USP47: variants seen among roughly 807,000 people sequenced by gnomAD.
The protein encoded by USP47 is ubiquitin carboxyl-terminal hydrolase 47.
Under a neutral mutation model 165.1 loss-of-function variants are expected in USP47, and 35 were observed. The observed-to-expected ratio is 0.21, with a 90% confidence interval of 0.16 to 0.28. The LOEUF is 0.28. Ranked by LOEUF, USP47 falls within the 10% of genes least tolerant of loss-of-function variation. The probability of loss-of-function intolerance (pLI) is 1.00; values close to 1 mark genes in which losing one functional copy is unlikely to be tolerated. For synonymous variants in USP47, 531 were observed against 544.5 expected, an observed-to-expected ratio of 0.98 and a Z score of 0.35; for missense variants, 1,277 against 1,607.4, an observed-to-expected ratio of 0.79 and a Z score of 3.52.
chr11:11,910,665 G>A (rs576773493), intron 8 of USP47, among the ~76,000 whole-genome samples: 9 of 152,138 alleles, frequency 5.9e-5, no homozygotes, highest in Admixed American at 1.3e-4. Context: ...CTTTCCCTGC[G>A]CAGCACTAAC....
intron 1 of USP47, among the ~76,000 whole-genome samples, chr11:11,844,158 A>G (rs1848297060): frequency 6.6e-6 from 1 of 152,022 alleles, no homozygotes; most frequent in African/African-American, 2.4e-5. Context: ...TAAATGACCA[A>G]ATTCTTTGAC....
chr11:11,872,928 T>A (rs559246400), intron 1 of USP47, among the ~76,000 whole-genome samples: 1 of 152,310 alleles, frequency 6.6e-6, no homozygotes, highest in South Asian at 2.1e-4. Flanking sequence ...GTTTTTAAAC[T>A]GAATGTTTTG....
At chr11:11,872,436 A>T (rs1850126602) in intron 1 of USP47, among the ~76,000 whole-genome samples, 1 of 152,194 alleles carries the variant, frequency 6.6e-6, no homozygotes, top group Non-Finnish European at 1.5e-5. Context: ...CTTTTGCTGG[A>T]GGCAAGTTAG....
chr11:11,896,985 A>C (rs1055277473), intron 4 of USP47, among the ~76,000 whole-genome samples: 10 of 151,932 alleles, frequency 6.6e-5, no homozygotes, highest in African/African-American at 2.4e-4. Context: ...TTTGCACAGC[A>C]TGCTGATCTA....
At chr11:11,911,027 C>T (rs1852938627) in intron 8 of USP47, among the ~76,000 whole-genome samples, 1 of 152,022 alleles carries the variant, frequency 6.6e-6, no homozygotes, top group African/African-American at 2.4e-5. Context: ...TTTAGGGAAT[C>T]AGTTAGAGAT....
chr11:11,848,210 C>T (rs989414948), intron 1 of USP47, among the ~76,000 whole-genome samples: 7 of 152,114 alleles, frequency 4.6e-5, no homozygotes, highest in African/African-American at 1.4e-4. Context: ...ATGATGAGGA[C>T]CTATTCTGAG....
Position 11,920,461 on chromosome 11 carries a change from A to G in USP47, c.1185A>G (p.Leu395=), listed in dbSNP as rs762212120. 1.2e-6 allele frequency: 2 copies of G among 1,609,716 alleles called. No homozygotes were observed. The change falls in exon 10 of 28, where the codon CTA becomes CTG. Residue 395 remains leucine (L), a synonymous_variant. Transcript: ENST00000527733. ...LNDRMTFPEE[L]DMSTFIDVED... is the part of the protein sequence containing the mutation. Reference sequence around the variant, plus strand: ...ATCGAATGACATTTCCCGAGGAACTAGATATGAGTACTTTTATTGATGTTG... The same window carrying G: ...ATCGAATGACATTTCCCGAGGAACTGGATATGAGTACTTTTATTGATGTTG...
In USP47 at chr11:11,902,692, T is replaced by C. The variant is rs762088815; in HGVS notation, c.594-23T>C. The C allele has an allele frequency of 2.8e-6, 4 of 1,422,502 alleles. No homozygotes were observed. In the Admixed American group the frequency reaches 9.3e-5, roughly 33 times the overall value. The allele number at this position is 1,422,502 out of a possible 1,614,324, so 88.1% of individuals were successfully genotyped here. On this transcript the variant is annotated intron_variant, in intron 5 of 27. Transcript: ENST00000527733. ...ATAATAAAATCATTTTATAAATACT[T>C]TATTAACATTTTATTTTAATAGGTG...
rs536363209 is a variant in USP47, at chr11:11,863,988, G to A, written c.40-16189G>A. 2.0e-5 allele frequency among the ~76,000 whole-genome samples: 3 copies of A among 152,176 alleles called. No individual in the cohort carries two copies. In the South Asian group the frequency reaches 6.2e-4, roughly 32 times the overall value. On this transcript the variant is annotated intron_variant, in intron 1 of 27. Coordinates refer to ENST00000527733, the MANE Select transcript of USP47 (RefSeq NM_001282659.2). ...ATGATACTTAGAAATTGAGATCTGG[G>A]TTCTAATTGTACTACTATTATGGTG...
intron 17 of USP47, 59 bp from the exon 18 acceptor site, chr11:11,938,198 A>C (rs1350702775): frequency 3.4e-6 from 5 of 1,453,054 alleles, no homozygotes; most frequent in Non-Finnish European, 3.8e-6. Flanking sequence ...TGCATTACTC[A>C]TGTGAAATAC....
intron 1 of USP47, among the ~76,000 whole-genome samples, chr11:11,863,310 CA>C (rs1849487977): frequency 6.6e-6 from 1 of 152,040 alleles, no homozygotes; most frequent in African/African-American, 2.4e-5. Context: ...ATTTGATGCT[CA>C]AAAACTTAGA....
chr11:11,856,084 TG>T (rs1485290917), intron 1 of USP47, among the ~76,000 whole-genome samples: 1 of 152,214 alleles, frequency 6.6e-6, no homozygotes, highest in Non-Finnish European at 1.5e-5. Context: ...TTTTAGGAAG[TG>T]GCAAAAAATT....
chr11:11,873,783 G>T (rs1850222461), intron 1 of USP47: 3 of 1,356,710 alleles, frequency 2.2e-6, no homozygotes, highest in Non-Finnish European at 1.9e-6. Context: ...AATTCATTTT[G>T]TTCTTATATA....
At chr11:11,886,671 A>C (rs1364605030) in intron 3 of USP47, among the ~76,000 whole-genome samples, 1 of 152,182 alleles carries the variant, frequency 6.6e-6, no homozygotes, top group Non-Finnish European at 1.5e-5. Context: ...AAATATACTT[A>C]AGGATGTCAT....
At chr11:11,863,863 T>A (rs1444445233) in intron 1 of USP47, among the ~76,000 whole-genome samples, 1 of 152,176 alleles carries the variant, frequency 6.6e-6, no homozygotes, top group African/African-American at 2.4e-5. Context: ...TGAGCGCTTA[T>A]TTTCTGGCAG....
intron 11 of USP47, among the ~76,000 whole-genome samples, chr11:11,923,463 A>G (rs1854012746): frequency 6.6e-6 from 1 of 152,086 alleles, no homozygotes; most frequent in Non-Finnish European, 1.5e-5. Flanking sequence ...TCTATGGATT[A>G]TCATTTGAAA....
intron 26 of USP47, 45 bp downstream of exon 26, chr11:11,954,989 C>T: frequency 6.2e-7 from 1 of 1,613,522 alleles, no homozygotes; most frequent in Non-Finnish European, 8.5e-7. Flanking sequence ...GCATGATAAA[C>T]ACAGCTAGTG....
At position 11,956,906 on chromosome 11, in the gene USP47, T is replaced by C. The variant is rs1214300701; in HGVS notation, c.*731T>C. The C allele has an allele frequency of 2.0e-5, 3 of 152,298 alleles. No homozygotes were observed. The highest frequency in any genetic ancestry group is 4.4e-5 in the Non-Finnish European group (3 of 68,048). The allele number at this position is 152,298 out of a possible 1,614,324, so 9.4% of individuals were successfully genotyped here. A position where few individuals can be genotyped will look rare whatever the true frequency, so the allele number is the denominator to read the frequency against. Reference sequence around the variant, plus strand: ...TAGAGAATATGTTTCATTCATTTATTCAGCATGTAAATAAAATTGATCCTG... The same window carrying C: ...TAGAGAATATGTTTCATTCATTTATCCAGCATGTAAATAAAATTGATCCTG... On this transcript the variant is annotated 3_prime_UTR_variant, in exon 28 of 28. Transcript: ENST00000527733.
intron 1 of USP47, among the ~76,000 whole-genome samples, chr11:11,847,184 A>AT (rs1485826672): frequency 6.6e-6 from 1 of 152,120 alleles, no homozygotes; most frequent in African/African-American, 2.4e-5. Context: ...TGGGATATAT[A>AT]TTTAGACTTT....
Sources: allele counts gnomAD v4.1 joint callset (sites outside exome capture counted in the v4.1 genomes callset), GRCh38; gene constraint gnomAD v4.1.1; transcripts MANE v1.5; gene names NCBI Gene and HGNC (gene_info 2026-07-23, HGNC 2026-07-21).